The following AVPR1B variants were observed in gnomAD, a reference collection of about 807,000 sequenced individuals.
The protein encoded by AVPR1B is arginine vasopressin receptor 1B, also known as vasopressin V1b receptor.
Under a neutral mutation model 27.5 loss-of-function variants are expected in AVPR1B, and 25 were observed. The observed-to-expected ratio is 0.91, with a 90% CI of 0.66 to 1.27. AVPR1B has a LOEUF of 1.27. Ranked by LOEUF, AVPR1B falls within the 50% of genes most tolerant of loss-of-function variation. AVPR1B has a pLI of 0.00. For synonymous variants in AVPR1B, 248 were observed against 240.2 expected (o/e 1.03, Z -0.30); for missense variants, 595 against 556.9 (o/e 1.07, Z -0.69).
rs910184687 is a variant in AVPR1B, at chr1:206,111,575, G to A, written c.941-1052C>T. On this transcript the variant is annotated intron_variant, in intron 1 of 1. Transcript: ENST00000367126. ...GCACAGTTAGTAAGAGCTGCAACTCGAAGTCTTTCAGCTCTAAGGTAGAGA... is the reference window on the plus strand; with the variant it reads ...GCACAGTTAGTAAGAGCTGCAACTCAAAGTCTTTCAGCTCTAAGGTAGAGA... Among the ~76,000 whole-genome samples, 5 of 152,310 alleles carry A rather than the reference G, an allele frequency of 3.3e-5. No individual in the cohort carries two copies. The South Asian group carries it at 6.2e-4, about 19-fold the overall frequency.
rs1663335646 is a variant in AVPR1B at position 206,109,617 on chromosome 1, A to G, written c.*572T>C. 6.5e-6 allele frequency: 1 copy of G among 153,694 alleles called. No homozygotes were observed. The highest frequency in any genetic ancestry group is 1.4e-5 in the Non-Finnish European group (1 of 69,228). The allele number at this position is 153,694 out of a possible 1,614,324, so 9.5% of individuals were successfully genotyped here. The stretch of plus-strand genomic sequence containing the variant: ...CTGAATCCTGCATCTCCATGAGACC[A>G]TCTCCCTTCAACAGACAGCTGGGCA... On this transcript the variant is annotated 3_prime_UTR_variant, in exon 2 of 2. Coordinates refer to ENST00000367126, the MANE Select transcript of AVPR1B (RefSeq NM_000707.5).
At chr1:206,115,914 T>C (rs1553290409) in intron 1 of AVPR1B, 37 bp downstream of exon 1, 5 of 1,548,928 alleles carry the variant, frequency 3.2e-6, no homozygotes, top group Non-Finnish European at 4.4e-6. Context: ...TCTTTCTGTC[T>C]CTCCCACCTC....
In AVPR1B at chr1:206,116,220, T is replaced by C. The variant is rs782061072; in HGVS notation, c.671A>G (p.His224Arg). ...GACTTTTAGGTTTTTACAGATCTCA[T>C]GGCAGATGAGGCTGTAGCAGGCCGT... ...MLTACYSLIC[H>R]EICKNLKVKT... The change falls in exon 1 of 2, where the codon CAT (histidine) becomes CGT (arginine). Residue 224 changes from histidine to arginine, a missense_variant. His to Arg is a conservative substitution (Grantham distance 29, BLOSUM62 0). Coordinates refer to ENST00000367126, the MANE Select transcript of AVPR1B (RefSeq NM_000707.5). 2 of 1,601,612 alleles carry C rather than the reference T, an allele frequency of 1.2e-6. No homozygotes were observed. The highest frequency in any genetic ancestry group is 8.5e-7 in the Non-Finnish European group (1 of 1,173,070).
At chr1:206,113,266 C>T (rs1230600219) in intron 1 of AVPR1B, among the ~76,000 whole-genome samples, 2 of 152,170 alleles carry the variant, frequency 1.3e-5, no homozygotes, top group Admixed American at 6.5e-5. Flanking sequence ...TCCTGGCCTC[C>T]GTTGCCTCCT....
chr1:206,116,398 T>C lies in AVPR1B; in HGVS notation c.493A>G (p.Ser165Gly). The C allele has an allele frequency of 6.2e-7, 1 of 1,613,912 alleles. No homozygotes were observed. Among genetic ancestry groups the C allele is most frequent in the Non-Finnish European group, 8.5e-7 (1 of 1,180,026 alleles). The change falls in exon 1 of 2, where the codon AGC becomes GGC. Residue 165 changes from serine (S) to glycine (G), a missense_variant. Physicochemically the swap from Ser to Gly is moderately conservative, Grantham distance 56. Coordinates refer to ENST00000367126, the MANE Select transcript of AVPR1B (RefSeq NM_000707.5). ...AAPWLLAAIF[S>G]LPQVFIFSLR... The stretch of plus-strand genomic sequence containing the variant: ...GAAAAAATGAAGACTTGAGGGAGGC[T>C]GAAGATGGCGGCCAGCAGCCAGGGA...
Position 206,108,093 on chromosome 1 carries a change from G to A in AVPR1B, c.*2096C>T, listed in dbSNP as rs927376358. Among the ~76,000 whole-genome samples the A allele has an allele frequency of 3.3e-5, 5 of 152,144 alleles. No homozygotes were observed. The highest frequency in any genetic ancestry group is 5.9e-5 in the Non-Finnish European group (4 of 68,024). On this transcript the variant is annotated 3_prime_UTR_variant, in exon 2 of 2. Coordinates refer to ENST00000367126, the MANE Select transcript of AVPR1B (RefSeq NM_000707.5). The stretch of plus-strand genomic sequence containing the variant: ...AAAGATTTACCAACTCTAGGCATTA[G>A]GGTCAGAAACTGTGGTCTAAAGATG...
chr1:206,115,473 G>A (rs1663447754), intron 1 of AVPR1B, among the ~76,000 whole-genome samples: 1 of 152,176 alleles, frequency 6.6e-6, no homozygotes, highest in African/African-American at 2.4e-5. Context: ...TTAGTAACAT[G>A]AAGAGGTTGA....
chr1:206,111,639 G>A (rs1052657966), intron 1 of AVPR1B, among the ~76,000 whole-genome samples: 5 of 152,336 alleles, frequency 3.3e-5, no homozygotes, highest in Admixed American at 6.5e-5. Context: ...TAAAATAAAA[G>A]GCAAAGCTCA....
At chr1:206,112,347 TGAA>T (rs1468765580) in intron 1 of AVPR1B, among the ~76,000 whole-genome samples, 1 of 152,212 alleles carries the variant, frequency 6.6e-6, no homozygotes, top group Non-Finnish European at 1.5e-5. Context: ...TCTGGTTGTT[TGAA>T]AGAGTCTGGG....
At chr1:206,110,668 G>C (rs1663362098) in intron 1 of AVPR1B, 145 bp from the exon 2 acceptor site, 1 of 692,948 alleles carries the variant, frequency 1.4e-6, no homozygotes, top group Non-Finnish European at 2.4e-6. Context: ...TAATTAGAGA[G>C]ACACACACAG....
rs1553289541 is a variant in AVPR1B, at chr1:206,110,203, T to C, written c.1261A>G (p.Thr421Ala). 7.5e-6 allele frequency: 12 copies of C among 1,609,302 alleles called. No individual in the cohort carries two copies. The highest frequency in any genetic ancestry group is 2.7e-5 in the African/African-American group (2 of 74,806). Residue 421 changes from threonine to alanine, a missense_variant, in exon 2 of 2, where the codon ACC becomes GCC. Coordinates refer to ENST00000367126, the MANE Select transcript of AVPR1B (RefSeq NM_000707.5). ...GCGAGTCTTTCCTAAAAGATGATGG[T>C]CTCAGCGGTGCCTTCCCCATCTGCC... ...ELADGEGTAE[T>A]IIF
rs1350310088 is a variant in AVPR1B, at chr1:206,109,499, A to G, written c.*690T>C. On this transcript the variant is annotated 3_prime_UTR_variant, in exon 2 of 2. Coordinates refer to ENST00000367126, the MANE Select transcript of AVPR1B (RefSeq NM_000707.5). Reference sequence around the variant, plus strand: ...TGGACCAGACCACAGAGAATATACAACACTTTCCCGTCATCCACGCTGTCA... The same window carrying G: ...TGGACCAGACCACAGAGAATATACAGCACTTTCCCGTCATCCACGCTGTCA... 1.5e-5 allele frequency among the ~76,000 whole-genome samples: 2 copies of G among 134,828 alleles called. No individual in the cohort carries two copies. Among genetic ancestry groups the G allele is most frequent in the Non-Finnish European group, 3.0e-5 (2 of 66,018 alleles). 88.5% of individuals were successfully genotyped at this position (134,828 alleles called of 152,430 possible).
chr1:206,113,771 G>A (rs33951888), intron 1 of AVPR1B, among the ~76,000 whole-genome samples: 4,062 of 152,282 alleles, frequency 0.027, 167 homozygotes, highest in African/African-American at 0.09. Flanking sequence ...TCAAGCCCAA[G>A]CTCTATCTCT....
Position 206,109,806 on chromosome 1 carries a change from A to G in AVPR1B, c.*383T>C, listed in dbSNP as rs1274367795. 1 of 194,768 alleles carries G rather than the reference A, an allele frequency of 5.1e-6. No individual in the cohort carries two copies. The highest frequency in any genetic ancestry group is 5.6e-5 in the Admixed American group (1 of 17,714). The allele number at this position is 194,768 out of a possible 1,614,324, so 12.1% of individuals were successfully genotyped here. On this transcript the variant is annotated 3_prime_UTR_variant, in exon 2 of 2. Coordinates refer to ENST00000367126, the MANE Select transcript of AVPR1B (RefSeq NM_000707.5). The stretch of plus-strand genomic sequence containing the variant: ...GGCTGAGATGTGCCAGTCAGGTTAG[A>G]ATGGAGACAGGTAGCCAGGGCACAA...
In AVPR1B at chr1:206,116,234, G is replaced by A; in HGVS notation, c.657C>T (p.Tyr219=). 1 of 1,613,794 alleles carries A rather than the reference G, an allele frequency of 6.2e-7. No individual in the cohort carries two copies. The highest frequency in any genetic ancestry group is 8.5e-7 in the Non-Finnish European group (1 of 1,180,036). The stretch of plus-strand genomic sequence containing the variant: ...TACAGATCTCATGGCAGATGAGGCT[G>A]TAGCAGGCCGTGAGCATGGTCACCG... The part of the protein sequence containing the change: ...VLPVTMLTAC[Y]SLICHEICKN... The change falls in exon 1 of 2, where the codon TAC becomes TAT. Residue 219 remains tyrosine, a synonymous_variant. Coordinates refer to ENST00000367126, the MANE Select transcript of AVPR1B (RefSeq NM_000707.5).
In AVPR1B at chr1:206,107,890, C is replaced by T. The variant is rs547307276; in HGVS notation, c.*2299G>A. The stretch of plus-strand genomic sequence containing the variant: ...CTCTAGTCTACAATCTTACAAATCC[C>T]TCCCAACAAAGTGGGCATTGCTATT... On this transcript the variant is annotated 3_prime_UTR_variant, in exon 2 of 2. Transcript: ENST00000367126. Among the ~76,000 whole-genome samples, 7 of 152,348 alleles carry T rather than the reference C, an allele frequency of 4.6e-5. No individual in the cohort carries two copies. Among genetic ancestry groups the T allele is most frequent in the East Asian group, 3.9e-4 (2 of 5,186 alleles).
chr1:206,115,903 C>T, intron 1 of AVPR1B, 48 bp downstream of exon 1: 1 of 1,535,162 alleles, frequency 6.5e-7, no homozygotes. Flanking sequence ...CCCCCATCCT[C>T]TCTTTCTGTC....
rs1663472840 is a variant in AVPR1B at position 206,116,443 on chromosome 1, TG to T, written c.447del (p.Thr150ProfsTer28). On this transcript the variant is annotated frameshift_variant, in exon 1 of 2. Coordinates refer to ENST00000367126, the MANE Select transcript of AVPR1B (RefSeq NM_000707.5). LOFTEE classifies it high-confidence loss of function. Reference sequence around the variant, plus strand: ...CAGGGAGCAGCGATGAGCAGGTAGGTGGACTGGCCTGGCTGCTGGAGGCTGC... The same window carrying T: ...CAGGGAGCAGCGATGAGCAGGTAGGTGACTGGCCTGGCTGCTGGAGGCTGC... Reference protein sequence around the residue: ...PLRSLQQPGQSTYLLIAAPWL... With the variant: ...PLRSLQQPGQXTYLLIAAPWL... The T allele has an allele frequency of 6.2e-6, 10 of 1,613,586 alleles. No homozygotes were observed. The South Asian group carries it at 9.9e-5, about 16-fold the overall frequency.
At position 206,109,923 on chromosome 1, in the gene AVPR1B, C is replaced by A. The variant is rs1437835909; in HGVS notation, c.*266G>T. Reference sequence around the variant, plus strand: ...TGGGACACCATGTGTGCATGGACACCCTATGAATATGGCAGGACCAGGGAG... The same window carrying A: ...TGGGACACCATGTGTGCATGGACACACTATGAATATGGCAGGACCAGGGAG... On this transcript the variant is annotated 3_prime_UTR_variant, in exon 2 of 2. Coordinates refer to ENST00000367126, the MANE Select transcript of AVPR1B (RefSeq NM_000707.5). 3 of 499,306 alleles carry A rather than the reference C, an allele frequency of 6.0e-6. No individual in the cohort carries two copies. The highest frequency in any genetic ancestry group is 2.6e-5 in the South Asian group (1 of 38,570). The allele number at this position is 499,306 out of a possible 1,614,324, so 30.9% of individuals were successfully genotyped here.
Sources: allele counts gnomAD v4.1 joint callset (sites outside exome capture counted in the v4.1 genomes callset), GRCh38; gene constraint gnomAD v4.1.1; transcripts MANE v1.5; gene names NCBI Gene and HGNC (gene_info 2026-07-23, HGNC 2026-07-21).